The following LRRC4C variants were observed in gnomAD, a reference collection of about 807,000 sequenced individuals.
LRRC4C encodes leucine-rich repeat-containing protein 4C.
A neutral mutation model predicts 33.6 loss-of-function variants in LRRC4C; 5 were observed. The ratio of observed to expected loss-of-function variants is 0.15; its 90% CI spans 0.08 to 0.31. The LOEUF (loss-of-function observed/expected upper bound fraction) is 0.31, where lower values mean the gene tolerates loss of function less well. Ranked by LOEUF, LRRC4C falls within the 10% of genes least tolerant of loss-of-function variation. The pLI is 1.00. For missense variants in LRRC4C, 560 were observed against 796.7 expected, an observed-to-expected ratio of 0.70 and a Z score of 3.58; for synonymous variants, 329 against 302.0, an observed-to-expected ratio of 1.09 and a Z score of -0.93.
chr11:41,452,483 C>T (rs1956057655), intron 1 of LRRC4C, among the ~76,000 whole-genome samples: 1 of 151,980 alleles, frequency 6.6e-6, no homozygotes, highest in Admixed American at 6.6e-5. Context: ...TTTCTTTGTT[C>T]CTTGACAGTT....
chr11:40,996,663 A>C (rs568106902), intron 1 of LRRC4C, among the ~76,000 whole-genome samples: 1 of 152,234 alleles, frequency 6.6e-6, no homozygotes, highest in African/African-American at 2.4e-5. Flanking sequence ...GGTTCTGCAG[A>C]GTGTACAAGA....
chr11:40,998,576 C>T (rs1854143965), intron 1 of LRRC4C, among the ~76,000 whole-genome samples: 1 of 152,188 alleles, frequency 6.6e-6, no homozygotes, highest in East Asian at 1.9e-4. Context: ...TATTCAAAGT[C>T]CTGATTAGGC....
chr11:40,550,603 A>G (rs527933245), intron 3 of LRRC4C, among the ~76,000 whole-genome samples: 12 of 152,302 alleles, frequency 7.9e-5, no homozygotes, highest in South Asian at 4.1e-4. Flanking sequence ...ATGTTCATAA[A>G]CCTGAAAAAT....
intron 3 of LRRC4C, among the ~76,000 whole-genome samples, chr11:40,538,289 C>G (rs1328336664): frequency 2.0e-5 from 3 of 152,040 alleles, no homozygotes; most frequent in African/African-American, 7.2e-5. Flanking sequence ...CCCCTTCCCC[C>G]CAACCCACAC....
intron 1 of LRRC4C, among the ~76,000 whole-genome samples, chr11:41,453,155 T>A (rs956526352): frequency 6.6e-6 from 1 of 152,154 alleles, no homozygotes; most frequent in Admixed American, 6.6e-5. Context: ...TTAATGTCAC[T>A]TAAGATTTAG....
intron 1 of LRRC4C, among the ~76,000 whole-genome samples, chr11:41,085,044 T>C (rs1247806201): frequency 1.3e-5 from 2 of 152,202 alleles, no homozygotes; most frequent in African/African-American, 4.8e-5. Flanking sequence ...GACACAGATA[T>C]CTTATTTGCA....
chr11:40,729,367 G>A (rs1157873614), intron 2 of LRRC4C, among the ~76,000 whole-genome samples: 1 of 152,172 alleles, frequency 6.6e-6, no homozygotes, highest in African/African-American at 2.4e-5. Flanking sequence ...CTGATGGCAA[G>A]ACAGAGGTAA....
chr11:40,942,828 G>T (rs1958216996), intron 1 of LRRC4C, among the ~76,000 whole-genome samples: 1 of 152,128 alleles, frequency 6.6e-6, no homozygotes, highest in Non-Finnish European at 1.5e-5. Flanking sequence ...ACACCAGACA[G>T]ACCAGAGTTC....
intron 4 of LRRC4C, among the ~76,000 whole-genome samples, chr11:40,280,840 C>G (rs566088837): frequency 1.2e-4 from 19 of 152,320 alleles, no homozygotes; most frequent in Admixed American, 1.3e-4. Flanking sequence ...TCCACAGCTT[C>G]CGTTTAATTA....
chr11:40,465,251 A>G (rs1297854529), intron 3 of LRRC4C, among the ~76,000 whole-genome samples: 1 of 152,074 alleles, frequency 6.6e-6, no homozygotes, highest in Non-Finnish European at 1.5e-5. Context: ...AAATTTGGAT[A>G]GCCATATCCA....
chr11:41,422,207 A>AT (rs912183714), intron 1 of LRRC4C, among the ~76,000 whole-genome samples: 21 of 150,910 alleles, frequency 1.4e-4, no homozygotes, highest in African/African-American at 4.1e-4. Context: ...TGGGACTCTA[A>AT]TTTTTTTTTC....
rs367842351 is a variant in LRRC4C at position 41,064,707 on chromosome 11, T to C, written c.-495-130984A>G. ...ATGCAGAAGGCGGGTGATTTCTGCATTTCCAACTGGGGTACCCAGTGGATC... is the reference window on the plus strand; with the variant it reads ...ATGCAGAAGGCGGGTGATTTCTGCACTTCCAACTGGGGTACCCAGTGGATC... On this transcript the variant is annotated intron_variant, in intron 1 of 6. Transcript: ENST00000528697. Among the ~76,000 whole-genome samples the C allele has an allele frequency of 3.3e-5, 5 of 152,252 alleles. No individual in the cohort carries two copies. In the East Asian group the frequency reaches 7.8e-4, roughly 24 times the overall value.
Position 40,469,221 on chromosome 11 carries a change from C to T in LRRC4C, c.-269-149500G>A, listed in dbSNP as rs530966072. Among the ~76,000 whole-genome samples the T allele has an allele frequency of 1.1e-4, 17 of 152,264 alleles. No homozygotes were observed. In the South Asian group the frequency reaches 3.3e-3, roughly 30 times the overall value. On this transcript the variant is annotated intron_variant, in intron 3 of 6. Transcript: ENST00000528697. ...GGACTGGTTAGACAGTGGGTGCAGC[C>T]CACGGAGGGCGAGCTGAAGCAGGGT...
chr11:40,787,249 T>C (rs1950447111), intron 2 of LRRC4C, among the ~76,000 whole-genome samples: 1 of 149,102 alleles, frequency 6.7e-6, no homozygotes, highest in Non-Finnish European at 1.5e-5. Flanking sequence ...CATTGTTCTG[T>C]TAATTGCCAA....
chr11:40,926,712 C>T (rs1215880109), intron 2 of LRRC4C, among the ~76,000 whole-genome samples: 1 of 151,914 alleles, frequency 6.6e-6, no homozygotes. Context: ...CAGGGTACTT[C>T]TAATACTAGA....
chr11:41,171,147 C>T (rs1386959772), intron 1 of LRRC4C, among the ~76,000 whole-genome samples: 1 of 152,050 alleles, frequency 6.6e-6, no homozygotes, highest in African/African-American at 2.4e-5. Context: ...CACTTTTACA[C>T]TGTTGGTGGG....
Position 41,304,081 on chromosome 11 carries a change from C to T in LRRC4C, c.-496+155350G>A, listed in dbSNP as rs1480159762. On this transcript the variant is annotated intron_variant, in intron 1 of 6. Transcript: ENST00000528697. ...CCCCCCGCCCAGCCAGCCACCCCGT[C>T]CGGGAGGTGAGGGGCGCCTCTGCCC... Among the ~76,000 whole-genome samples, 3 of 69,186 alleles carry T rather than the reference C, an allele frequency of 4.3e-5. 1 individual carries two copies. Among genetic ancestry groups the T allele is most frequent in the Non-Finnish European group, 7.1e-5 (2 of 28,068 alleles). 45.4% of individuals were successfully genotyped at this position (69,186 alleles called of 152,430 possible). A position where few individuals can be genotyped will look rare whatever the true frequency, so the allele number is the denominator to read the frequency against.
At chr11:40,365,451 C>T (rs1031056189) in intron 3 of LRRC4C, among the ~76,000 whole-genome samples, 7 of 151,914 alleles carry the variant, frequency 4.6e-5, no homozygotes, top group African/African-American at 1.7e-4. Context: ...AAGGTGTTGG[C>T]CTTTATTAAG....
rs999528060 is a variant in LRRC4C, at chr11:41,063,275, T to C, written c.-495-129552A>G. Among the ~76,000 whole-genome samples, 5 of 152,194 alleles carry C rather than the reference T, an allele frequency of 3.3e-5. No homozygotes were observed. The East Asian group carries it at 9.6e-4, about 29-fold the overall frequency. On this transcript the variant is annotated intron_variant, in intron 1 of 6. Coordinates refer to ENST00000528697, the MANE Select transcript of LRRC4C (RefSeq NM_001258419.2). ...TAGTATTACCAGACATTGTTCTCTG[T>C]GATAGGGATGTAATAGTAAACAAAA...
Sources: allele counts gnomAD v4.1 joint callset (sites outside exome capture counted in the v4.1 genomes callset), GRCh38; gene constraint gnomAD v4.1.1; transcripts MANE v1.5; gene names NCBI Gene and HGNC (gene_info 2026-07-23, HGNC 2026-07-21).